Variants in ARHGAP40 observed in about 807,000 individuals in gnomAD.
The protein encoded by ARHGAP40 is rho GTPase-activating protein 40.
ARHGAP40 carries 43 observed loss-of-function variants against 73.5 expected under a neutral mutation model. That is an observed-to-expected ratio of 0.58 (90% CI 0.46 to 0.75). The LOEUF is 0.75. Ranked by LOEUF, ARHGAP40 falls within the 30% of genes least tolerant of loss-of-function variation. The pLI is 0.00. For synonymous variants in ARHGAP40, 300 were observed against 352.8 expected, an observed-to-expected ratio of 0.85 and a Z score of 1.68; for missense variants, 734 against 861.8, an observed-to-expected ratio of 0.85 and a Z score of 1.86.
At chr20:38,645,701 C>T (rs1568612636) in intron 11 of ARHGAP40, among the ~76,000 whole-genome samples, 1 of 152,084 alleles carries the variant, frequency 6.6e-6, no homozygotes, top group Non-Finnish European at 1.5e-5. Flanking sequence ...AGAGCAGAGC[C>T]TGCTCCAGGT....
intron 7 of ARHGAP40, 92 bp from the exon 8 acceptor site, chr20:38,638,669 C>G (rs930658392): frequency 5.1e-6 from 5 of 974,234 alleles, no homozygotes; most frequent in African/African-American, 5.1e-5. Context: ...TGGTACTCCC[C>G]TCTTTCTGAT....
intron 1 of ARHGAP40, among the ~76,000 whole-genome samples, chr20:38,611,725 C>A (rs2088806225): frequency 6.6e-6 from 1 of 152,076 alleles, no homozygotes; most frequent in African/African-American, 2.4e-5. Context: ...GCGCCCGCCA[C>A]CATGCCCAGC....
intron 1 of ARHGAP40, among the ~76,000 whole-genome samples, chr20:38,619,422 A>G (rs2088862407): frequency 6.6e-6 from 1 of 151,972 alleles, no homozygotes; most frequent in Non-Finnish European, 1.5e-5. Flanking sequence ...GTTGGTGGAT[A>G]GAAATGTTGT....
chr20:38,629,915 A>C (rs2088926864), intron 5 of ARHGAP40, among the ~76,000 whole-genome samples: 1 of 152,056 alleles, frequency 6.6e-6, no homozygotes, highest in African/African-American at 2.4e-5. Context: ...TCCTCCAGCA[A>C]GCTCATAACT....
intron 3 of ARHGAP40, among the ~76,000 whole-genome samples, chr20:38,627,633 G>GGGTGTGTGTGGGGGTGTGTT (rs1555791941): frequency 0.22 from 31,116 of 138,334 alleles, 3,814 homozygotes; most frequent in Non-Finnish European, 0.28. Context: ...GTGTGTGTTG[G>GGGTGTGTGTGGGGGTGTGTT]GGTGTGTGTG....
At chr20:38,639,079 A>G in intron 8 of ARHGAP40, 148 bp from the exon 9 acceptor site, 1 of 863,096 alleles carries the variant, frequency 1.2e-6, no homozygotes, top group Non-Finnish European at 1.6e-6. Context: ...CGCACGTTAG[A>G]CCATTTCGTC....
At chr20:38,636,266 T>A (rs2088974443) in intron 6 of ARHGAP40, among the ~76,000 whole-genome samples, 1 of 141,764 alleles carries the variant, frequency 7.1e-6, no homozygotes, top group Admixed American at 7.2e-5. Flanking sequence ...ATTTATTTAT[T>A]TTTTTTTTTT....
intron 11 of ARHGAP40, among the ~76,000 whole-genome samples, chr20:38,644,302 G>A (rs989752256): frequency 1.3e-5 from 2 of 152,018 alleles, no homozygotes; most frequent in African/African-American, 4.8e-5. Flanking sequence ...CTGCCCTCCT[G>A]CCCCCACCGT....
At chr20:38,616,063 C>T (rs1265561949) in intron 1 of ARHGAP40, among the ~76,000 whole-genome samples, 3 of 152,170 alleles carry the variant, frequency 2.0e-5, no homozygotes, top group East Asian at 1.9e-4. Flanking sequence ...GTGTTGATAG[C>T]GGTGTGAGAG....
chr20:38,643,352 C>T (rs1055249244), intron 10 of ARHGAP40, among the ~76,000 whole-genome samples: 1 of 152,172 alleles, frequency 6.6e-6, no homozygotes, highest in Non-Finnish European at 1.5e-5. Context: ...TTTGGGTAGA[C>T]CCAGACTCCA....
intron 1 of ARHGAP40, among the ~76,000 whole-genome samples, chr20:38,605,996 G>C (rs1056510263): frequency 6.6e-6 from 1 of 151,966 alleles, no homozygotes; most frequent in Admixed American, 6.6e-5. Context: ...AGTGATCCTG[G>C]GACCACAGGC....
chr20:38,642,855 C>T (rs934748164), intron 10 of ARHGAP40, among the ~76,000 whole-genome samples: 21 of 152,162 alleles, frequency 1.4e-4, no homozygotes, highest in Non-Finnish European at 2.2e-4. Context: ...ATAAGAGCTA[C>T]CTTGGCCAGG....
intron 1 of ARHGAP40, among the ~76,000 whole-genome samples, chr20:38,622,720 T>C (rs2088879754): frequency 6.6e-6 from 1 of 152,172 alleles, no homozygotes; most frequent in Non-Finnish European, 1.5e-5. Flanking sequence ...CCTCTCTGCT[T>C]CTTTTGGAAG....
At chr20:38,615,888 G>T (rs2088834153) in intron 1 of ARHGAP40, among the ~76,000 whole-genome samples, 2 of 152,204 alleles carry the variant, frequency 1.3e-5, no homozygotes, top group Non-Finnish European at 2.9e-5. Flanking sequence ...GTGTCTGAAG[G>T]TGGCTGGGGA....
Position 38,646,010 on chromosome 20 carries a change from C to G in ARHGAP40, c.1570-37C>G, listed in dbSNP as rs1442107342. On this transcript the variant is annotated intron_variant, in intron 11 of 14. Transcript: ENST00000373345. This position sits in a 1 kb window ranked among gnomAD's most constrained non-coding sequence, Gnocchi z 4.5. ...GGCTCTGCCTCTCGCCCCCAGAAGT[C>G]CTATCCCCCTGCCAAAACTTGATCC... The G allele has an allele frequency of 1.6e-6, 2 of 1,278,402 alleles. No individual in the cohort carries two copies. Among genetic ancestry groups the G allele is most frequent in the Non-Finnish European group, 2.1e-6 (2 of 973,012 alleles). The allele number at this position is 1,278,402 out of a possible 1,614,324, so 79.2% of individuals were successfully genotyped here.
At chr20:38,639,319 G>C in exon 9 of ARHGAP40, 1 of 1,305,498 alleles carries the variant, frequency 7.7e-7, no homozygotes. Flanking sequence ...TGCTCAAAAG[G>C]TTCATCCGGA....
At chr20:38,629,630 T>C (rs1344439059) in exon 5 of ARHGAP40, 1 of 1,305,442 alleles carries the variant, frequency 7.7e-7, no homozygotes, top group South Asian at 1.2e-5. Context: ...CACCTCTGCC[T>C]GGGGCAAGTG....
At chr20:38,636,125 G>A (rs1403085453) in intron 6 of ARHGAP40, among the ~76,000 whole-genome samples, 5 of 152,208 alleles carry the variant, frequency 3.3e-5, no homozygotes, top group Admixed American at 2.6e-4. Flanking sequence ...GAGGAAGTAC[G>A]CTGTGCTTCC....
chr20:38,615,575 C>T, intron 1 of ARHGAP40: 2 of 530,714 alleles, frequency 3.8e-6, no homozygotes, highest in South Asian at 1.9e-5. Context: ...GATTGCCTTT[C>T]AATCTCTGCT....
Sources: allele counts gnomAD v4.1 joint callset (sites outside exome capture counted in the v4.1 genomes callset), GRCh38; gene constraint gnomAD v4.1.1; non-coding constraint Gnocchi (gnomAD v3.1); transcripts MANE v1.5; gene names NCBI Gene and HGNC (gene_info 2026-07-23, HGNC 2026-07-21).